Variants in SLC4A5 observed in about 807,000 individuals in gnomAD.
SLC4A5 encodes the protein electrogenic sodium bicarbonate cotransporter 4.
In SLC4A5, 96 loss-of-function variants were observed where a neutral mutation model predicts 120.4. That is an observed-to-expected ratio of 0.80 (90% CI 0.68 to 0.94). The LOEUF (loss-of-function observed/expected upper bound fraction) is 0.94, where lower values mean the gene tolerates loss of function less well. Ranked by LOEUF, SLC4A5 falls within the 40% of genes least tolerant of loss-of-function variation. The pLI is 0.00. For synonymous variants in SLC4A5, 550 were observed against 571.1 expected (o/e 0.96, Z 0.53); for missense variants, 1,259 against 1,459.5 (o/e 0.86, Z 2.24).
chr2:74,303,686 G>C (rs1163067118), intron 7 of SLC4A5, among the ~76,000 whole-genome samples: 1 of 152,090 alleles, frequency 6.6e-6, no homozygotes. Context: ...TGTTGTCCTG[G>C]AAGAAAGCTT....
In SLC4A5 at chr2:74,255,300, A is replaced by C. The variant is rs1189340382; in HGVS notation, c.1025+475T>G. 6.7e-6 allele frequency among the ~76,000 whole-genome samples: 1 copy of C among 149,920 alleles called. No individual in the cohort carries two copies. The highest frequency in any genetic ancestry group is 2.0e-4 in the East Asian group (1 of 5,044). ...TTCTCTTTTATTATTTATTATTTTTATTTTTTTTCTGAGACGCAGTCTTGC... is the reference window on the plus strand; with the variant it reads ...TTCTCTTTTATTATTTATTATTTTTCTTTTTTTTCTGAGACGCAGTCTTGC... On this transcript the variant is annotated intron_variant, in intron 13 of 30. Transcript: ENST00000394019. The surrounding 1 kb of genome is among the most constrained non-coding windows in gnomAD (Gnocchi z 4.0).
rs780566340 is a variant in SLC4A5, at chr2:74,250,390, C to T, written c.1606G>A (p.Ala536Thr). 8.7e-6 allele frequency: 14 copies of T among 1,614,068 alleles called. No homozygotes were observed. The Admixed American group carries it at 1.0e-4, about 12-fold the overall frequency. The change falls in exon 17 of 31, where the codon GCG (alanine) becomes ACG (threonine). Residue 536 changes from alanine (A) to threonine (T), a missense_variant. Physicochemically the swap from Ala to Thr is moderately conservative, Grantham distance 58. Coordinates refer to ENST00000394019, the Ensembl canonical transcript of SLC4A5. Reference sequence around the variant, plus strand: ...CCCAGAAGCCCACCAAAGGTGATCGCGTTGGTGATACAGCCGAGGTAGATG... The same window carrying T: ...CCCAGAAGCCCACCAAAGGTGATCGTGTTGGTGATACAGCCGAGGTAGATG...
chr2:74,245,792 T>C (rs1450392516), intron 19 of SLC4A5, among the ~76,000 whole-genome samples: 2 of 152,154 alleles, frequency 1.3e-5, no homozygotes, highest in Non-Finnish European at 1.5e-5. Flanking sequence ...ATATTTTCGA[T>C]TGACTTATGA....
At chr2:74,223,802 T>G (rs1393791017) in intron 28 of SLC4A5, among the ~76,000 whole-genome samples, 2 of 152,218 alleles carry the variant, frequency 1.3e-5, no homozygotes, top group Admixed American at 1.3e-4. Flanking sequence ...TATGGGACTC[T>G]TCCTGGAAGA....
exon 16 of SLC4A5, chr2:74,252,304 T>C: frequency 6.2e-7 from 1 of 1,612,404 alleles, no homozygotes; most frequent in Non-Finnish European, 8.5e-7. Flanking sequence ...CACCACCACC[T>C]CCATTGCCTC....
intron 8 of SLC4A5, among the ~76,000 whole-genome samples, chr2:74,276,184 G>A (rs769679612): frequency 6.6e-6 from 1 of 152,108 alleles, no homozygotes; most frequent in Non-Finnish European, 1.5e-5. Flanking sequence ...GGGGAGAGGA[G>A]GGGAAATAAA....
At chr2:74,310,189 G>C (rs1369677831) in intron 6 of SLC4A5, among the ~76,000 whole-genome samples, 6 of 152,042 alleles carry the variant, frequency 3.9e-5, no homozygotes, top group Non-Finnish European at 7.4e-5. Context: ...ATTAGTTATG[G>C]GAGTTGTTTG....
intron 16 of SLC4A5, 176 bp from the exon 17 acceptor site, chr2:74,250,693 G>A: frequency 1.4e-6 from 1 of 720,736 alleles, no homozygotes; most frequent in Non-Finnish European, 2.2e-6. Flanking sequence ...GTAGGACTGA[G>A]TTTGTGGTTG....
chr2:74,233,358 T>G, intron 23 of SLC4A5, 44 bp downstream of exon 23: 1 of 1,607,314 alleles, frequency 6.2e-7, no homozygotes, highest in South Asian at 1.1e-5. Flanking sequence ...TCTGACTTTG[T>G]GGGAAGAAAG....
intron 22 of SLC4A5, among the ~76,000 whole-genome samples, chr2:74,234,004 C>G (rs1476402491): frequency 6.6e-6 from 1 of 152,062 alleles, no homozygotes; most frequent in Non-Finnish European, 1.5e-5. Context: ...TGCTGAACAT[C>G]AGTTCAGTCC....
chr2:74,280,051 C>T (rs1397703707), intron 8 of SLC4A5, among the ~76,000 whole-genome samples: 1 of 152,162 alleles, frequency 6.6e-6, no homozygotes, highest in Non-Finnish European at 1.5e-5. Flanking sequence ...CTTTTCCCAC[C>T]TAGAACCCTT....
Position 74,218,776 on chromosome 2 carries a change from T to C in SLC4A5, c.*50A>G, listed in dbSNP as rs62147685. 5.0e-3 allele frequency: 764 copies of C among 152,824 alleles called. 4 individuals carry two copies. The highest frequency in any genetic ancestry group is 8.4e-3 in the Non-Finnish European group (571 of 68,062). 9.5% of individuals were successfully genotyped at this position (152,824 alleles called of 1,614,324 possible). A position where few individuals can be genotyped will look rare whatever the true frequency, so the allele number is the denominator to read the frequency against. On this transcript the variant is annotated 3_prime_UTR_variant, in exon 31 of 31. Transcript: ENST00000394019. ...GCAGGTGAAGCTGGACAGGATATTTTGAAGTGCAAGGTGATGCTGAACGAG... is the reference window on the plus strand; with the variant it reads ...GCAGGTGAAGCTGGACAGGATATTTCGAAGTGCAAGGTGATGCTGAACGAG...
intron 12 of SLC4A5, among the ~76,000 whole-genome samples, chr2:74,259,144 G>T (rs1671057968): frequency 6.6e-6 from 1 of 152,196 alleles, no homozygotes; most frequent in Non-Finnish European, 1.5e-5. Flanking sequence ...GGAGACCACA[G>T]GAAGAAGATG....
At chr2:74,286,232 A>C (rs1671978095) in intron 7 of SLC4A5, among the ~76,000 whole-genome samples, 1 of 152,104 alleles carries the variant, frequency 6.6e-6, no homozygotes, top group Non-Finnish European at 1.5e-5. Flanking sequence ...CTCTGACCCA[A>C]CTTCAGCTTA....
intron 6 of SLC4A5, chr2:74,307,697 G>T: frequency 1.1e-6 from 1 of 893,720 alleles, no homozygotes; most frequent in Non-Finnish European, 1.8e-6. Context: ...CCAGCTTCCT[G>T]TTATCAGTCT....
chr2:74,264,318 C>A lies in SLC4A5; in HGVS notation c.563-19G>T, dbSNP rs764757411. The A allele has an allele frequency of 1.2e-6, 2 of 1,609,562 alleles. No individual in the cohort carries two copies. The highest frequency in any genetic ancestry group is 1.7e-6 in the Non-Finnish European group (2 of 1,177,560). On this transcript the variant is annotated intron_variant, in intron 9 of 30. Coordinates refer to ENST00000394019, the Ensembl canonical transcript of SLC4A5. ...ACATCATCTGTGTGGAAAACATACACACCTCATCCCTGTGGGACAGAACAG... is the reference window on the plus strand; with the variant it reads ...ACATCATCTGTGTGGAAAACATACAAACCTCATCCCTGTGGGACAGAACAG...
chr2:74,262,242 G>T lies in SLC4A5; in HGVS notation c.716-10C>A. 1 of 1,612,422 alleles carries T rather than the reference G, an allele frequency of 6.2e-7. No homozygotes were observed. Among genetic ancestry groups the T allele is most frequent in the South Asian group, 1.1e-5 (1 of 90,968 alleles). On this transcript the variant is annotated splice_polypyrimidine_tract_variant and intron_variant, in intron 10 of 30. Coordinates refer to ENST00000394019, the Ensembl canonical transcript of SLC4A5. ...CGGGCAGGACTGCGATCTGGGAGGA[G>T]AATCAGAAGGGACTTGGCTTCGACA...
At chr2:74,228,025 G>T in intron 25 of SLC4A5, 147 bp from the exon 26 acceptor site, 1 of 611,006 alleles carries the variant, frequency 1.6e-6, no homozygotes, top group Non-Finnish European at 2.9e-6. Flanking sequence ...TGGGATGTGG[G>T]CAGGGGTGAA....
chr2:74,223,001 GGCTT>G, intron 28 of SLC4A5, 49 bp from the exon 29 acceptor site: 1 of 1,369,386 alleles, frequency 7.3e-7, no homozygotes, highest in Non-Finnish European at 1.0e-6. Context: ...ACAACAATTT[GGCTT>G]TCTTTTTTTT....
Sources: allele counts gnomAD v4.1 joint callset (sites outside exome capture counted in the v4.1 genomes callset), GRCh38; gene constraint gnomAD v4.1.1; non-coding constraint Gnocchi (gnomAD v3.1); transcripts MANE v1.5; gene names NCBI Gene and HGNC (gene_info 2026-07-23, HGNC 2026-07-21).